HMGA2: variants seen among roughly 807,000 people sequenced by gnomAD.
HMGA2 encodes high mobility group AT-hook 2.
HMGA2 carries 8 observed loss-of-function variants against 19.1 expected under a neutral mutation model. That is an observed-to-expected ratio of 0.42 (90% CI 0.25 to 0.76). The LOEUF (loss-of-function observed/expected upper bound fraction) is 0.76, where lower values mean the gene tolerates loss of function less well. Ranked by LOEUF, HMGA2 falls within the 30% of genes least tolerant of loss-of-function variation. The probability of loss-of-function intolerance (pLI) is 0.28; values close to 1 mark genes in which losing one functional copy is unlikely to be tolerated. For missense variants in HMGA2, 109 were observed against 136.3 expected, an observed-to-expected ratio of 0.80 and a Z score of 1.00; for synonymous variants, 60 against 48.8, an observed-to-expected ratio of 1.23 and a Z score of -0.96.
chr12:65,924,643 CA>C (rs1875439917), intron 3 of HMGA2, among the ~76,000 whole-genome samples: 1 of 152,032 alleles, frequency 6.6e-6, no homozygotes, highest in Non-Finnish European at 1.5e-5. Flanking sequence ...ACTAAAAACG[CA>C]AAAATTAGCT....
At position 65,887,710 on chromosome 12, in the gene HMGA2, A is replaced by G. The variant is rs376934796; in HGVS notation, c.249+49141A>G. 1.5e-4 allele frequency among the ~76,000 whole-genome samples: 23 copies of G among 152,228 alleles called. No homozygotes were observed. In the South Asian group the frequency reaches 4.6e-3, roughly 30 times the overall value. On this transcript the variant is annotated intron_variant, in intron 3 of 4. Transcript: ENST00000403681. ...TGCACTCCATCTCAAAAAGAAAAAAAATTTACAGTTAGGATTTGTAAAATT... is the reference window on the plus strand; with the variant it reads ...TGCACTCCATCTCAAAAAGAAAAAAGATTTACAGTTAGGATTTGTAAAATT...
At chr12:65,902,493 T>C (rs1305632965) in intron 3 of HMGA2, among the ~76,000 whole-genome samples, 1 of 152,158 alleles carries the variant, frequency 6.6e-6, no homozygotes, top group African/African-American at 2.4e-5. Context: ...AAAAATGTTT[T>C]ACCCCAAGAG....
chr12:65,936,832 C>T lies in HMGA2; in HGVS notation c.250-14551C>T, dbSNP rs530854226. Among the ~76,000 whole-genome samples the T allele has an allele frequency of 3.3e-5, 5 of 152,322 alleles. No homozygotes were observed. In the South Asian group the frequency reaches 1.0e-3, roughly 32 times the overall value. On this transcript the variant is annotated intron_variant, in intron 3 of 4. Coordinates refer to ENST00000403681, the MANE Select transcript of HMGA2 (RefSeq NM_003483.6). ...AAGTTTAAATTGCTACCAGGTCACA[C>T]AGCTTACGCATACCTGGTCTCATAC...
At chr12:65,922,388 G>A (rs1169452412) in intron 3 of HMGA2, among the ~76,000 whole-genome samples, 1 of 152,174 alleles carries the variant, frequency 6.6e-6, no homozygotes, top group Non-Finnish European at 1.5e-5. Flanking sequence ...AAAGGAGATC[G>A]CTTTGGAGCT....
At chr12:65,882,136 G>C in intron 3 of HMGA2, 1 of 431,876 alleles carries the variant, frequency 2.3e-6, no homozygotes, top group Non-Finnish European at 4.3e-6. Context: ...GTCAATGACA[G>C]AGCTGGGCAG....
At chr12:65,884,579 A>G (rs562618547) in intron 3 of HMGA2, among the ~76,000 whole-genome samples, 1 of 152,344 alleles carries the variant, frequency 6.6e-6, no homozygotes, top group South Asian at 2.1e-4. Context: ...GGAAACTTGT[A>G]CATTTATGCA....
At chr12:65,885,331 C>T (rs1311986138) in intron 3 of HMGA2, among the ~76,000 whole-genome samples, 2 of 152,072 alleles carry the variant, frequency 1.3e-5, no homozygotes, top group African/African-American at 2.4e-5. Flanking sequence ...AATGACATCA[C>T]GAGATACATA....
Position 65,963,536 on chromosome 12 carries a change from A to T in HMGA2, c.*244A>T, listed in dbSNP as rs1876817117. Reference sequence around the variant, plus strand: ...GGTTTAGTGAAAAACTGCTGTAAACACAGGGGACACAGCTTAACAATGCAA... The same window carrying T: ...GGTTTAGTGAAAAACTGCTGTAAACTCAGGGGACACAGCTTAACAATGCAA... On this transcript the variant is annotated 3_prime_UTR_variant, in exon 5 of 5. Transcript: ENST00000403681. The T allele has an allele frequency of 1.8e-6, 1 of 554,954 alleles. No individual in the cohort carries two copies. Among genetic ancestry groups the T allele is most frequent in the African/African-American group, 1.9e-5 (1 of 52,958 alleles). 34.4% of individuals were successfully genotyped at this position (554,954 alleles called of 1,614,324 possible). A position where few individuals can be genotyped will look rare whatever the true frequency, so the allele number is the denominator to read the frequency against.
At chr12:65,829,280 A>G (rs1171743780) in intron 2 of HMGA2, among the ~76,000 whole-genome samples, 1 of 152,070 alleles carries the variant, frequency 6.6e-6, no homozygotes. Flanking sequence ...CATATTTTTA[A>G]TATATTTAAA....
chr12:65,835,977 A>T (rs1003707782), intron 2 of HMGA2, among the ~76,000 whole-genome samples: 1 of 152,084 alleles, frequency 6.6e-6, no homozygotes, highest in African/African-American at 2.4e-5. Context: ...AGAACTCCAC[A>T]CTCATGTATA....
intron 3 of HMGA2, among the ~76,000 whole-genome samples, chr12:65,872,359 C>T (rs574243053): frequency 1.1e-4 from 17 of 152,272 alleles, no homozygotes; most frequent in African/African-American, 4.1e-4. Flanking sequence ...ACCCGGGAGG[C>T]TCTTCTTTCT....
intron 3 of HMGA2, among the ~76,000 whole-genome samples, chr12:65,848,193 A>G (rs184605631): frequency 1.3e-5 from 2 of 152,312 alleles, no homozygotes; most frequent in African/African-American, 4.8e-5. Flanking sequence ...GTACCTTAGA[A>G]GGATTTTTGT....
intron 3 of HMGA2, among the ~76,000 whole-genome samples, chr12:65,911,863 A>G (rs1371830318): frequency 1.3e-5 from 2 of 152,196 alleles, no homozygotes; most frequent in Non-Finnish European, 2.9e-5. Context: ...GGTTCACCAC[A>G]TTTAACTGTA....
At chr12:65,962,986 A>G (rs1313050143) in intron 4 of HMGA2, among the ~76,000 whole-genome samples, 1 of 152,106 alleles carries the variant, frequency 6.6e-6, no homozygotes, top group East Asian at 1.9e-4. Context: ...GACAGCAAAC[A>G]ATTGAATTTG....
chr12:65,850,022 A>G (rs556397549), intron 3 of HMGA2, among the ~76,000 whole-genome samples: 3 of 151,952 alleles, frequency 2.0e-5, no homozygotes, highest in African/African-American at 4.8e-5. Context: ...CCTAGCCTCT[A>G]TTTTTTATTT....
At position 65,964,308 on chromosome 12, in the gene HMGA2, G is replaced by A. The variant is rs1411541172; in HGVS notation, c.*1016G>A. ...AAAAGCAAAAAAAAAAAAGGGGGGG[G>A]CAATCTCTCTCTGTGTCTTTCTCTC... On this transcript the variant is annotated 3_prime_UTR_variant, in exon 5 of 5. Coordinates refer to ENST00000403681, the MANE Select transcript of HMGA2 (RefSeq NM_003483.6). The A allele has an allele frequency of 9.5e-6, 2 of 210,688 alleles. No individual in the cohort carries two copies. Among genetic ancestry groups the A allele is most frequent in the Non-Finnish European group, 1.9e-5 (2 of 106,004 alleles). The allele number at this position is 210,688 out of a possible 1,614,324, so 13.1% of individuals were successfully genotyped here. A position where few individuals can be genotyped will look rare whatever the true frequency, so the allele number is the denominator to read the frequency against.
chr12:65,960,371 A>G (rs1407618525), intron 4 of HMGA2, among the ~76,000 whole-genome samples: 1 of 152,178 alleles, frequency 6.6e-6, no homozygotes, highest in Non-Finnish European at 1.5e-5. Flanking sequence ...GAACCATGAC[A>G]CTTAGGAGAG....
intron 4 of HMGA2, chr12:65,952,625 A>G (rs2121315316): frequency 1.5e-6 from 1 of 687,876 alleles, no homozygotes; most frequent in East Asian, 3.2e-5. Context: ...TTTAAGCAAT[A>G]TTTAAAAATA....
chr12:65,873,113 T>C (rs1872791501), intron 3 of HMGA2, among the ~76,000 whole-genome samples: 1 of 152,202 alleles, frequency 6.6e-6, no homozygotes, highest in Non-Finnish European at 1.5e-5. Context: ...TCATGGGAAT[T>C]TGCACACACC....
Sources: allele counts gnomAD v4.1 joint callset (sites outside exome capture counted in the v4.1 genomes callset), GRCh38; gene constraint gnomAD v4.1.1; transcripts MANE v1.5; gene names NCBI Gene and HGNC (gene_info 2026-07-23, HGNC 2026-07-21).